Variants in TM9SF1 observed in about 807,000 individuals in gnomAD.
TM9SF1 encodes the protein MP70 protein family member.
A neutral mutation model predicts 52.4 loss-of-function variants in TM9SF1; 25 were observed. That is an observed-to-expected ratio of 0.48 (90% CI 0.35 to 0.67). TM9SF1 has a LOEUF of 0.67. TM9SF1 is among the 30% of genes least tolerant of loss of function. The pLI is 0.01. For missense variants in TM9SF1, 604 were observed against 780.3 expected (o/e 0.77, Z 2.69); for synonymous variants, 284 against 299.8 (o/e 0.95, Z 0.55).
rs1416294165 is a variant in TM9SF1, at chr14:24,192,800, T to G, written c.815A>C (p.Glu272Ala). ...ACCAGAACCTGCAGAGGTGGTCTCC[T>G]CATCTAAGTTGTACCGAGCCAGGTC... ...RNDLARYNLD[E>A]ETTSAGSGDD... Residue 272 changes from glutamate (E) to alanine (A), a missense_variant, in exon 3 of 6, where the codon GAG becomes GCG. Physicochemically the swap from Glu to Ala is moderately radical, Grantham distance 107. Coordinates refer to ENST00000261789, the MANE Select transcript of TM9SF1 (RefSeq NM_006405.7). This position sits in a 1 kb window ranked among gnomAD's most constrained non-coding sequence, Gnocchi z 4.0. The G allele has an allele frequency of 6.2e-7, 1 of 1,613,994 alleles. No individual in the cohort carries two copies. The highest frequency in any genetic ancestry group is 1.1e-5 in the South Asian group (1 of 91,070).
Position 24,192,530 on chromosome 14 carries a change from C to A in TM9SF1, c.967+118G>T. 7.0e-7 allele frequency: 1 copy of A among 1,421,190 alleles called. No homozygotes were observed. The highest frequency in any genetic ancestry group is 1.3e-5 in the South Asian group (1 of 74,748). 88.0% of individuals were successfully genotyped at this position (1,421,190 alleles called of 1,614,324 possible). On this transcript the variant is annotated intron_variant, in intron 3 of 5. Coordinates refer to ENST00000261789, the MANE Select transcript of TM9SF1 (RefSeq NM_006405.7). The surrounding 1 kb of genome is among the most constrained non-coding windows in gnomAD (Gnocchi z 4.0). ...TACGTGCATTCTTGCTAGAGCCACC[C>A]TATCCCTTAGGTCTGCCCCTCTGGA...
At chr14:24,190,208 A>T in intron 5 of TM9SF1, 172 bp downstream of exon 5, 1 of 1,450,272 alleles carries the variant, frequency 6.9e-7, no homozygotes, top group Non-Finnish European at 9.1e-7. Context: ...AGACACTCTC[A>T]TATCATTCAA....
rs2039279514 is a variant in TM9SF1, at chr14:24,189,262, T to C, written c.*153A>G. ...CCTTATGTGATAGAGATTTATAATTTCCAGGCCCTCTCTGGGGAAGGAATG... is the reference window on the plus strand; with the variant it reads ...CCTTATGTGATAGAGATTTATAATTCCCAGGCCCTCTCTGGGGAAGGAATG... On this transcript the variant is annotated 3_prime_UTR_variant, in exon 6 of 6. Transcript: ENST00000261789. 1.3e-6 allele frequency: 1 copy of C among 771,838 alleles called. No individual in the cohort carries two copies. Among genetic ancestry groups the C allele is most frequent in the African/African-American group, 1.7e-5 (1 of 57,896 alleles). The allele number at this position is 771,838 out of a possible 1,614,324, so 47.8% of individuals were successfully genotyped here.
In TM9SF1 at chr14:24,190,390, G is replaced by A; in HGVS notation, c.1417C>T (p.Leu473=). 2.5e-6 allele frequency: 4 copies of A among 1,579,284 alleles called. No individual in the cohort carries two copies. Among genetic ancestry groups the A allele is most frequent in the Non-Finnish European group, 2.6e-6 (3 of 1,160,554 alleles). ...ATAAAGGGAGGATACCTGAAAGGCA[G>A]GAAGCCTCCAACAGTCATGTGGATG... ...TVIHMTVGGF[L]PFSAISVELY... is the part of the protein sequence containing the mutation. Residue 473 remains leucine, a synonymous_variant, in exon 5 of 6, where the codon CTG becomes TTG. Transcript: ENST00000261789.
chr14:24,194,782 C>G lies in TM9SF1; in HGVS notation c.238G>C (p.Gly80Arg), dbSNP rs774001883. The G allele has an allele frequency of 1.2e-6, 2 of 1,614,204 alleles. No homozygotes were observed. The highest frequency in any genetic ancestry group is 1.1e-5 in the South Asian group (1 of 91,088). ...ATTCGGTCCCCATCCAGCACTTCAC[C>G]CAGGCTAAGGCTTTTGTGACGTATC... ...EKIRHKSLSL[G>R]EVLDGDRMAE... Residue 80 changes from glycine (G) to arginine (R), a missense_variant, in exon 2 of 6, where the codon GGT becomes CGT. Gly to Arg is a moderately radical substitution (Grantham distance 125). Around this residue, in one of 3 missense-constraint regions of TM9SF1, gnomAD observed 450 missense variants for 560.1 expected, o/e 0.80. Transcript: ENST00000261789.
Position 24,192,651 on chromosome 14 carries a change from T to C in TM9SF1, c.964A>G (p.Thr322Ala). ...GVGAQFLALG[T>A]GIIVMALLGM... ...CAATTCATTTTTATCACCTCACCAG[T>C]GCCAAGGGCCAGGAACTGGGCACCC... The change falls in exon 3 of 6, where the codon ACT becomes GCT. Residue 322 changes from threonine (T) to alanine (A), a missense_variant. Coordinates refer to ENST00000261789, the MANE Select transcript of TM9SF1 (RefSeq NM_006405.7). The surrounding 1 kb of genome is among the most constrained non-coding windows in gnomAD (Gnocchi z 4.0). The C allele has an allele frequency of 6.4e-7, 1 of 1,560,522 alleles. No individual in the cohort carries two copies. The highest frequency in any genetic ancestry group is 8.7e-7 in the Non-Finnish European group (1 of 1,153,718).
At position 24,189,655 on chromosome 14, in the gene TM9SF1, C is replaced by T. The variant is rs2039286418; in HGVS notation, c.1581G>A (p.Glu527=). 6.2e-7 allele frequency: 1 copy of T among 1,614,168 alleles called. No individual in the cohort carries two copies. The highest frequency in any genetic ancestry group is 8.5e-7 in the Non-Finnish European group (1 of 1,180,034). Reference sequence around the variant, plus strand: ...CAGATCGCCACCACCAGCGGTAATCCTCCCCAGACAACTGGAAGTAGGTGA... The same window carrying T: ...CAGATCGCCACCACCAGCGGTAATCTTCCCCAGACAACTGGAAGTAGGTGA... ...IALTYFQLSG[E]DYRWWWRSVL... is the part of the protein sequence containing the mutation. The change falls in exon 6 of 6, where the codon GAG becomes GAA. Residue 527 remains glutamate, a synonymous_variant. Coordinates refer to ENST00000261789, the MANE Select transcript of TM9SF1 (RefSeq NM_006405.7).
rs1369353675 is a variant in TM9SF1 at position 24,192,524 on chromosome 14, G to A, written c.967+124C>T. On this transcript the variant is annotated intron_variant, in intron 3 of 5. Transcript: ENST00000261789. This position sits in a 1 kb window ranked among gnomAD's most constrained non-coding sequence, Gnocchi z 4.0. The stretch of plus-strand genomic sequence containing the variant: ...ATAGAATACGTGCATTCTTGCTAGA[G>A]CCACCCTATCCCTTAGGTCTGCCCC... 1.5e-5 allele frequency: 21 copies of A among 1,406,366 alleles called. No homozygotes were observed. Among genetic ancestry groups the A allele is most frequent in the Admixed American group, 2.1e-5 (1 of 46,864 alleles). 87.1% of individuals were successfully genotyped at this position (1,406,366 alleles called of 1,614,324 possible).
rs2039328969 is a variant in TM9SF1, at chr14:24,192,003, G to A, written c.1153+168C>T. ...GGCTAATTTTTTGTTATAGAGAGAG[G>A]GTCTCACTATGTTGTCTAGGCTTGT... On this transcript the variant is annotated intron_variant, in intron 4 of 5. Coordinates refer to ENST00000261789, the MANE Select transcript of TM9SF1 (RefSeq NM_006405.7). The surrounding 1 kb of genome is among the most constrained non-coding windows in gnomAD (Gnocchi z 4.0). The A allele has an allele frequency of 1.5e-6, 1 of 669,692 alleles. No individual in the cohort carries two copies. The highest frequency in any genetic ancestry group is 2.4e-5 in the Admixed American group (1 of 41,958). 41.5% of individuals were successfully genotyped at this position (669,692 alleles called of 1,614,324 possible).
rs1406312563 is a variant in TM9SF1 at position 24,194,942 on chromosome 14, A to G, written c.78T>C (p.His26=). 2.5e-6 allele frequency: 4 copies of G among 1,614,162 alleles called. No individual in the cohort carries two copies. The Admixed American group carries it at 5.0e-5, about 20-fold the overall frequency. The part of the protein sequence containing the change: ...PILILLLGTG[H]GPGVEGVTHY... The stretch of plus-strand genomic sequence containing the variant: ...GTGTCACGCCTTCCACCCCTGGCCC[A>G]TGGCCTGTGCCCAGCAACAGTATCA... The change falls in exon 2 of 6, where the codon CAT becomes CAC. Residue 26 remains histidine, a synonymous_variant. Coordinates refer to ENST00000261789, the MANE Select transcript of TM9SF1 (RefSeq NM_006405.7).
chr14:24,195,170 C>T, intron 1 of TM9SF1, 134 bp from the exon 2 acceptor site: 1 of 632,866 alleles, frequency 1.6e-6, no homozygotes, highest in Non-Finnish European at 2.7e-6. Context: ...CCCCACGTCT[C>T]TCTATCCCAA....
chr14:24,190,603 C>T lies in TM9SF1; in HGVS notation c.1204G>A (p.Gly402Ser). ...SVVNSVHWAN[G>S]STQALPATTI... is the part of the protein sequence containing the mutation. ...GTGGCTGGCAGAGCCTGTGTCGAAC[C>T]ATTGGCCCAATGCACTGAGTTCACC... Residue 402 changes from glycine to serine, a missense_variant, in exon 5 of 6, where the codon GGT (glycine) becomes AGT (serine). Physicochemically the swap from Gly to Ser is moderately conservative, Grantham distance 56. Coordinates refer to ENST00000261789, the MANE Select transcript of TM9SF1 (RefSeq NM_006405.7). The T allele has an allele frequency of 6.2e-7, 1 of 1,614,100 alleles. No homozygotes were observed. Among genetic ancestry groups the T allele is most frequent in the Non-Finnish European group, 8.5e-7 (1 of 1,180,010 alleles).
chr14:24,189,379 AAGGG>A lies in TM9SF1; in HGVS notation c.*32_*35del. ...AGGAGAGTTCAACAGGGCATGAAGA[AAGGG>A]AGAGAACAGCAATAGTTCTGCCATA... On this transcript the variant is annotated 3_prime_UTR_variant, in exon 6 of 6. Coordinates refer to ENST00000261789, the MANE Select transcript of TM9SF1 (RefSeq NM_006405.7). 1 of 1,572,806 alleles carries A rather than the reference AAGGG, an allele frequency of 6.4e-7. No homozygotes were observed. The highest frequency in any genetic ancestry group is 1.4e-5 in the African/African-American group (1 of 73,102).
At chr14:24,190,024 G>C (rs2039293082) in intron 5 of TM9SF1, 1 of 1,369,074 alleles carries the variant, frequency 7.3e-7, no homozygotes. Flanking sequence ...AATAGATTGA[G>C]GGCAGGGATC....
Position 24,192,498 on chromosome 14 carries a change from A to C in TM9SF1, c.968-142T>G. The stretch of plus-strand genomic sequence containing the variant: ...CAGTTTTGCTATCCAGAAAATCTAC[A>C]ATAGAATACGTGCATTCTTGCTAGA... On this transcript the variant is annotated intron_variant, in intron 3 of 5. Coordinates refer to ENST00000261789, the MANE Select transcript of TM9SF1 (RefSeq NM_006405.7). The surrounding 1 kb of genome is among the most constrained non-coding windows in gnomAD (Gnocchi z 4.0). 4 of 1,377,166 alleles carry C rather than the reference A, an allele frequency of 2.9e-6. No individual in the cohort carries two copies. The highest frequency in any genetic ancestry group is 4.0e-6 in the Non-Finnish European group (4 of 1,010,842). 85.3% of individuals were successfully genotyped at this position (1,377,166 alleles called of 1,614,324 possible).
At chr14:24,193,340 C>G in intron 2 of TM9SF1, 71 bp from the exon 3 acceptor site, 1 of 1,477,096 alleles carries the variant, frequency 6.8e-7, no homozygotes, top group Non-Finnish European at 9.1e-7. Context: ...AAGTTTCTCA[C>G]CTTCAGCACT....
At chr14:24,190,893 G>A (rs2039314313) in intron 4 of TM9SF1, among the ~76,000 whole-genome samples, 1 of 114,902 alleles carries the variant, frequency 8.7e-6, no homozygotes, top group Non-Finnish European at 1.6e-5. Flanking sequence ...ACAGAGTCTC[G>A]CTCTGTCGCC....
rs1413987285 is a variant in TM9SF1 at position 24,192,950 on chromosome 14, C to T, written c.665G>A (p.Gly222Asp). 1 of 1,614,138 alleles carries T rather than the reference C, an allele frequency of 6.2e-7. No homozygotes were observed. The highest frequency in any genetic ancestry group is 1.1e-5 in the South Asian group (1 of 91,082). The change falls in exon 3 of 6, where the codon GGT (glycine) becomes GAT (aspartate). Residue 222 changes from glycine to aspartate, a missense_variant. Transcript: ENST00000261789. This position sits in a 1 kb window ranked among gnomAD's most constrained non-coding sequence, Gnocchi z 4.0. ...SVERRSDRRRGDDGGFFPRTL... is the reference protein window; with the variant it reads ...SVERRSDRRRDDDGGFFPRTL... ...TCGAGGAAAGAAACCACCATCGTCA[C>T]CACGGCGCCTGTCACTCCGACGCTC...
chr14:24,189,845 C>T (rs777047560), intron 5 of TM9SF1, 37 bp from the exon 6 acceptor site: 2 of 1,558,332 alleles, frequency 1.3e-6, no homozygotes, highest in African/African-American at 2.7e-5. Context: ...CATTAAAGGG[C>T]TGTGCACCAT....
Sources: allele counts gnomAD v4.1 joint callset (sites outside exome capture counted in the v4.1 genomes callset), GRCh38; gene constraint gnomAD v4.1.1; regional missense constraint gnomAD v4.1.1; non-coding constraint Gnocchi (gnomAD v3.1); transcripts MANE v1.5; gene names NCBI Gene and HGNC (gene_info 2026-07-23, HGNC 2026-07-21).